Variants in B3GLCT observed in about 807,000 individuals in gnomAD.
B3GLCT encodes beta-1,3-glucosyltransferase.
B3GLCT carries 65 observed loss-of-function variants against 63.4 expected under a neutral mutation model. The observed-to-expected ratio is 1.03, with a 90% CI of 0.84 to 1.26. B3GLCT has a LOEUF of 1.26. B3GLCT is among the 50% of genes most tolerant of loss of function. The pLI is 0.00. For synonymous variants in B3GLCT, 233 were observed against 219.2 expected, an observed-to-expected ratio of 1.06 and a Z score of -0.55; for missense variants, 577 against 604.8, an observed-to-expected ratio of 0.95 and a Z score of 0.48.
intron 12 of B3GLCT, among the ~76,000 whole-genome samples, chr13:31,314,788 T>C (rs933395825): frequency 3.9e-5 from 6 of 152,158 alleles, no homozygotes; most frequent in East Asian, 3.9e-4. Context: ...TGGAATGATA[T>C]GGTTTGGCTG....
chr13:31,298,729 TCTC>T (rs1451408169), intron 12 of B3GLCT, among the ~76,000 whole-genome samples: 5 of 152,130 alleles, frequency 3.3e-5, no homozygotes, highest in Admixed American at 1.3e-4. Flanking sequence ...GCAGGTACCT[TCTC>T]CTCAGCCTAC....
At chr13:31,274,403 C>G in intron 8 of B3GLCT, 106 bp from the exon 9 acceptor site, 1 of 1,433,266 alleles carries the variant, frequency 7.0e-7, no homozygotes. Flanking sequence ...GTTCAGCCTA[C>G]TCTCTATGGA....
At chr13:31,279,727 G>A (rs1017558831) in intron 10 of B3GLCT, among the ~76,000 whole-genome samples, 8 of 152,148 alleles carry the variant, frequency 5.3e-5, no homozygotes, top group African/African-American at 1.7e-4. Flanking sequence ...CAACCAGTCT[G>A]ACCAAAATTT....
chr13:31,279,142 T>G (rs1872934486), intron 10 of B3GLCT, among the ~76,000 whole-genome samples: 1 of 152,206 alleles, frequency 6.6e-6, no homozygotes, highest in South Asian at 2.1e-4. Flanking sequence ...GAAAGTAGGC[T>G]TTCCATTTTT....
chr13:31,272,758 T>C (rs1047781392), intron 8 of B3GLCT, among the ~76,000 whole-genome samples: 3 of 152,174 alleles, frequency 2.0e-5, no homozygotes, highest in Non-Finnish European at 1.5e-5. Context: ...TTGTTCAATA[T>C]TTTTGTCCCT....
chr13:31,319,609 C>T (rs897231701), intron 13 of B3GLCT, among the ~76,000 whole-genome samples: 2 of 152,160 alleles, frequency 1.3e-5, no homozygotes, highest in African/African-American at 4.8e-5. Context: ...TTCTGTCTAT[C>T]CCTTCAATGT....
At chr13:31,309,716 A>G (rs1874605482) in intron 12 of B3GLCT, among the ~76,000 whole-genome samples, 1 of 152,214 alleles carries the variant, frequency 6.6e-6, no homozygotes, top group Non-Finnish European at 1.5e-5. Flanking sequence ...GAATCTGCAC[A>G]TGTTTAGCTA....
Position 31,203,344 on chromosome 13 carries a change from G to A in B3GLCT, c.70+3190G>A, listed in dbSNP as rs1279525805. 9.2e-5 allele frequency among the ~76,000 whole-genome samples: 14 copies of A among 152,246 alleles called. No homozygotes were observed. The South Asian group carries it at 1.5e-3, about 16-fold the overall frequency. On this transcript the variant is annotated intron_variant, in intron 1 of 14. Transcript: ENST00000343307. Reference sequence around the variant, plus strand: ...GTCATCCAGGTAGTCCAGGACCTCCGAGTTGGCATGGCTCCCCAGGTCATG... The same window carrying A: ...GTCATCCAGGTAGTCCAGGACCTCCAAGTTGGCATGGCTCCCCAGGTCATG...
chr13:31,237,050 T>A (rs1422107536), intron 4 of B3GLCT, among the ~76,000 whole-genome samples: 1 of 151,040 alleles, frequency 6.6e-6, no homozygotes, highest in Non-Finnish European at 1.5e-5. Flanking sequence ...TGCCTGGACC[T>A]AGTAGGCGGA....
At chr13:31,272,890 C>T (rs1213933045) in intron 8 of B3GLCT, among the ~76,000 whole-genome samples, 4 of 152,112 alleles carry the variant, frequency 2.6e-5, no homozygotes, top group Non-Finnish European at 5.9e-5. Flanking sequence ...TTAGGCCTTC[C>T]AATTGAATCC....
intron 13 of B3GLCT, 34 bp from the exon 14 acceptor site, chr13:31,323,717 C>G: frequency 6.2e-7 from 1 of 1,613,778 alleles, no homozygotes; most frequent in Non-Finnish European, 8.5e-7. Context: ...TGTGGAGCTT[C>G]TCTAACCCCT....
intron 11 of B3GLCT, among the ~76,000 whole-genome samples, chr13:31,286,061 T>A (rs1434118903): frequency 6.6e-6 from 1 of 152,226 alleles, no homozygotes; most frequent in Non-Finnish European, 1.5e-5. Context: ...ATAATTAAAA[T>A]GAGGGGCATA....
chr13:31,245,164 C>A (rs1023626967), intron 4 of B3GLCT, among the ~76,000 whole-genome samples: 50 of 152,122 alleles, frequency 3.3e-4, no homozygotes, highest in Non-Finnish European at 1.3e-4. Flanking sequence ...CTTTGCCTCC[C>A]ACATTTTATG....
At chr13:31,284,282 A>G (rs1463064754) in intron 10 of B3GLCT, among the ~76,000 whole-genome samples, 1 of 152,198 alleles carries the variant, frequency 6.6e-6, no homozygotes, top group African/African-American at 2.4e-5. Context: ...AGGTCTTCTC[A>G]TGCTCCACGG....
At chr13:31,292,604 G>T (rs1285769581) in intron 12 of B3GLCT, among the ~76,000 whole-genome samples, 3 of 151,802 alleles carry the variant, frequency 2.0e-5, no homozygotes, top group Non-Finnish European at 2.9e-5. Flanking sequence ...GTGTAGAGGT[G>T]TTTATAGTAT....
chr13:31,251,120 G>A (rs150828971), intron 6 of B3GLCT, among the ~76,000 whole-genome samples: 1 of 152,286 alleles, frequency 6.6e-6, no homozygotes, highest in East Asian at 1.9e-4. Context: ...TGTAGCAGGG[G>A]ACCAGACTGT....
At chr13:31,264,968 C>T (rs1274805550) in intron 7 of B3GLCT, among the ~76,000 whole-genome samples, 3 of 152,104 alleles carry the variant, frequency 2.0e-5, no homozygotes, top group African/African-American at 7.2e-5. Flanking sequence ...TTTCTCTGTC[C>T]CTCTAGCCTA....
chr13:31,218,568 T>C (rs1869670341), intron 2 of B3GLCT, among the ~76,000 whole-genome samples: 1 of 152,242 alleles, frequency 6.6e-6, no homozygotes. Flanking sequence ...TTTTTGCACA[T>C]TGATTTTGTA....
intron 7 of B3GLCT, 74 bp from the exon 8 acceptor site, chr13:31,269,140 A>AAT (rs1872465920): frequency 2.1e-6 from 2 of 969,466 alleles, no homozygotes; most frequent in East Asian, 4.8e-5. Context: ...AAACACTAGA[A>AAT]AGTCTCAAGA....
Sources: gnomAD v4.1 joint callset for allele counts (sites outside exome capture counted in the v4.1 genomes callset) on GRCh38, gnomAD v4.1.1 for gene constraint, MANE v1.5 for transcripts, NCBI Gene and HGNC (gene_info 2026-07-23, HGNC 2026-07-21) for gene names.